The following IQSEC1 variants were observed in gnomAD, a reference collection of about 807,000 sequenced individuals.
IQSEC1 encodes IQ motif and SEC7 domain-containing protein 1.
Under a neutral mutation model 91.0 loss-of-function variants are expected in IQSEC1, and 31 were observed. The ratio of observed to expected loss-of-function variants is 0.34; its 90% CI spans 0.26 to 0.46. IQSEC1 has a LOEUF of 0.46. Among genes scored for constraint, IQSEC1 ranks in the 20% least tolerant of loss-of-function variants. IQSEC1 has a pLI of 1.00. For synonymous variants in IQSEC1, 699 were observed against 662.6 expected, an observed-to-expected ratio of 1.05 and a Z score of -0.84; for missense variants, 1,388 against 1,575.6, an observed-to-expected ratio of 0.88 and a Z score of 2.02.
In IQSEC1 at chr3:13,131,478, CTTTTTTTTTT is replaced by C. The variant is rs61345195; in HGVS notation, c.302+32616_302+32625del. 1.2e-4 allele frequency among the ~76,000 whole-genome samples: 10 copies of C among 81,704 alleles called. No individual in the cohort carries two copies. The East Asian group carries it at 2.1e-3, about 17-fold the overall frequency. 53.6% of individuals were successfully genotyped at this position (81,704 alleles called of 152,430 possible). ...GAAATGTTTAGGTTTAAATCTATGTCTTTTTTTTTTTTTTTTTTTTTTTTTTGATACTGAG... is the reference window on the plus strand; with the variant it reads ...GAAATGTTTAGGTTTAAATCTATGTCTTTTTTTTTTTTTTTTGATACTGAG... On this transcript the variant is annotated intron_variant, in intron 2 of 15. Transcript: ENST00000648114.
At chr3:13,053,346 G>A (rs1457528396) in intron 1 of IQSEC1, among the ~76,000 whole-genome samples, 1 of 149,846 alleles carries the variant, frequency 6.7e-6, no homozygotes, top group Non-Finnish European at 1.5e-5. Flanking sequence ...AGCCTTCCAA[G>A]CTTAGACAGT....
chr3:13,129,755 T>A (rs1245861378), intron 2 of IQSEC1, among the ~76,000 whole-genome samples: 1 of 150,148 alleles, frequency 6.7e-6, no homozygotes. Flanking sequence ...CCTCCCGGAT[T>A]CATGCCATTC....
At chr3:13,021,861 C>T (rs375102456) in intron 1 of IQSEC1, among the ~76,000 whole-genome samples, 28 of 152,324 alleles carry the variant, frequency 1.8e-4, no homozygotes, top group African/African-American at 6.0e-4. Flanking sequence ...CCCAGCCAAT[C>T]GCAGCACACC....
intron 1 of IQSEC1, among the ~76,000 whole-genome samples, chr3:13,185,595 T>C (rs1693917770): frequency 1.3e-5 from 2 of 152,186 alleles, no homozygotes; most frequent in African/African-American, 2.4e-5. Flanking sequence ...TCATTAACTA[T>C]GGCAGACAGC....
chr3:12,951,546 G>T (rs181378854), intron 1 of IQSEC1, among the ~76,000 whole-genome samples: 1 of 152,186 alleles, frequency 6.6e-6, no homozygotes, highest in Non-Finnish European at 1.5e-5. Context: ...TTCTAGTGCC[G>T]GTCAGCCATA....
intron 1 of IQSEC1, among the ~76,000 whole-genome samples, chr3:13,025,775 G>C (rs1036577025): frequency 6.6e-6 from 1 of 152,188 alleles, no homozygotes; most frequent in East Asian, 1.9e-4. Flanking sequence ...TACTCACTGG[G>C]GGTCCGTGCA....
rs370408356 is a variant in IQSEC1 at position 13,264,363 on chromosome 3, A to G, written c.272+18348T>C. Among the ~76,000 whole-genome samples, 40 of 152,252 alleles carry G rather than the reference A, an allele frequency of 2.6e-4. 1 individual carries two copies. The East Asian group carries it at 3.7e-3, about 14-fold the overall frequency. On this transcript the variant is annotated intron_variant, in intron 1 of 15. Coordinates refer to the IQSEC1 transcript ENST00000648114. ...CCACCGGAGGCCGAGGGCTCTAAGG[A>G]CAGCAGGGGCAGAAGGGCGGACACG... is the stretch of plus-strand genomic sequence containing the variant.
chr3:12,925,781 G>A (rs1697071966), intron 3 of IQSEC1, among the ~76,000 whole-genome samples: 1 of 152,240 alleles, frequency 6.6e-6, no homozygotes, highest in African/African-American at 2.4e-5. Flanking sequence ...CCTAGCGCCA[G>A]GCCAGAGCAC....
At chr3:13,074,362 G>A (rs1705528449), upstream of IQSEC1, among the ~76,000 whole-genome samples, 1 of 151,974 alleles carries the variant, frequency 6.6e-6, no homozygotes, top group Non-Finnish European at 1.5e-5. Flanking sequence ...GTGTGCGACA[G>A]GGAGGTGGAG....
At chr3:13,150,000 C>T (rs1362109054) in intron 2 of IQSEC1, among the ~76,000 whole-genome samples, 1 of 152,172 alleles carries the variant, frequency 6.6e-6, no homozygotes, top group African/African-American at 2.4e-5. Context: ...TCCTGCCAGA[C>T]CCTGGTTCTA....
At chr3:13,213,819 A>G (rs981913024) in intron 1 of IQSEC1, among the ~76,000 whole-genome samples, 3 of 152,146 alleles carry the variant, frequency 2.0e-5, no homozygotes, top group African/African-American at 7.2e-5. Context: ...GAAAGGAAAT[A>G]AGTGCCTAGG....
intron 1 of IQSEC1, among the ~76,000 whole-genome samples, chr3:13,256,395 A>ATAAT (rs1480645586): frequency 6.6e-6 from 1 of 152,262 alleles, no homozygotes; most frequent in Admixed American, 6.5e-5. Flanking sequence ...GATATCATAT[A>ATAAT]TAATTATATG....
At chr3:12,991,298 C>T (rs1230775103) in intron 1 of IQSEC1, among the ~76,000 whole-genome samples, 4 of 152,102 alleles carry the variant, frequency 2.6e-5, no homozygotes, top group Admixed American at 1.3e-4. Flanking sequence ...TGTTCCTTCC[C>T]GCAGGAGCCA....
At position 13,084,335 on chromosome 3, in the gene IQSEC1, C is replaced by A. The variant is rs73813167; in HGVS notation, c.303-36813G>T. ...AAAGCTCCTTCCACACCCCACATCC[C>A]CCCTGACATACTCAGCTCAAAGCCT... On this transcript the variant is annotated intron_variant, in intron 2 of 15. Coordinates refer to the IQSEC1 transcript ENST00000648114. Among the ~76,000 whole-genome samples, 13 of 152,256 alleles carry A rather than the reference C, an allele frequency of 8.5e-5. 1 individual carries two copies. The East Asian group carries it at 2.5e-3, about 29-fold the overall frequency.
chr3:13,243,337 T>C (rs2125105768), intron 1 of IQSEC1, among the ~76,000 whole-genome samples: 1 of 152,208 alleles, frequency 6.6e-6, no homozygotes, highest in South Asian at 2.1e-4. Context: ...CACTGAGAGC[T>C]ACCATGCCAG....
chr3:13,007,976 C>T (rs1465581046), intron 1 of IQSEC1, among the ~76,000 whole-genome samples: 2 of 152,194 alleles, frequency 1.3e-5, no homozygotes, highest in African/African-American at 4.8e-5. Flanking sequence ...TCTCAAAGTC[C>T]TTGCAGCTCT....
rs762925540 is a variant in IQSEC1 at position 12,950,367 on chromosome 3, AAAG to A, written c.24-8505_24-8503del. Among the ~76,000 whole-genome samples the A allele has an allele frequency of 9.2e-5, 14 of 152,316 alleles. 1 individual carries two copies. The highest frequency in any genetic ancestry group is 5.2e-4 in the Admixed American group (8 of 15,300). On this transcript the variant is annotated intron_variant, in intron 1 of 13. Transcript: ENST00000613206. ...GACCTCAAAGGAAAACCGAATGTGC[AAAG>A]AAGGGACATAAAGTTGGCCAGCTGT...
chr3:13,214,921 C>T lies in IQSEC1; in HGVS notation c.273-50788G>A, dbSNP rs890549113. ...CCGAATGAACAGGCACCCGAGTGAA[C>T]GGATGAGTGGAATTTACTGCACCCA... On this transcript the variant is annotated intron_variant, in intron 1 of 15. Coordinates refer to the IQSEC1 transcript ENST00000648114. This position sits in a 1 kb window ranked among gnomAD's most constrained non-coding sequence, Gnocchi z 4.5. Among the ~76,000 whole-genome samples the T allele has an allele frequency of 7.2e-5, 11 of 152,234 alleles. No individual in the cohort carries two copies. Among genetic ancestry groups the T allele is most frequent in the Non-Finnish European group, 1.5e-5 (1 of 68,046 alleles).
At chr3:13,041,380 C>T (rs1332880634) in intron 1 of IQSEC1, among the ~76,000 whole-genome samples, 1 of 152,162 alleles carries the variant, frequency 6.6e-6, no homozygotes, top group African/African-American at 2.4e-5. Flanking sequence ...GTGAGACCCT[C>T]CGTGCCCGCC....
Sources: gnomAD v4.1 joint callset for allele counts (sites outside exome capture counted in the v4.1 genomes callset) on GRCh38, gnomAD v4.1.1 for gene constraint, Gnocchi (gnomAD v3.1) non-coding constraint, MANE v1.5 for transcripts, NCBI Gene and HGNC (gene_info 2026-07-23, HGNC 2026-07-21) for gene names.